GRIP1: variants seen among roughly 807,000 people sequenced by gnomAD.
GRIP1 encodes the protein glutamate receptor-interacting protein 1.
A neutral mutation model predicts 129.9 loss-of-function variants in GRIP1; 45 were observed. The ratio of observed to expected loss-of-function variants is 0.35; its 90% CI spans 0.27 to 0.44. GRIP1 has a LOEUF of 0.44. Ranked by LOEUF, GRIP1 falls within the 20% of genes least tolerant of loss-of-function variation. The pLI, the probability that GRIP1 is intolerant of heterozygous loss-of-function variation, is 1.00. For missense variants in GRIP1, 1,196 were observed against 1,396.8 expected, an observed-to-expected ratio of 0.86 and a Z score of 2.29; for synonymous variants, 530 against 520.8, an observed-to-expected ratio of 1.02 and a Z score of -0.24.
intron 23 of GRIP1, among the ~76,000 whole-genome samples, chr12:66,364,424 T>C (rs576778506): frequency 6.6e-6 from 1 of 152,164 alleles, no homozygotes; most frequent in East Asian, 1.9e-4. Flanking sequence ...CAAACCTCCT[T>C]CCCATTTCGT....
intron 2 of GRIP1, among the ~76,000 whole-genome samples, chr12:66,571,993 G>A (rs958005518): frequency 2.0e-5 from 3 of 152,070 alleles, no homozygotes; most frequent in Non-Finnish European, 2.9e-5. Flanking sequence ...AAATCAATAC[G>A]TAAGGATACA....
At chr12:67,001,530 C>T (rs1232388804) in intron 1 of GRIP1, among the ~76,000 whole-genome samples, 2 of 152,148 alleles carry the variant, frequency 1.3e-5, no homozygotes, top group African/African-American at 4.8e-5. Context: ...CCTCTGTAGT[C>T]TTTTTAAATG....
chr12:66,538,972 G>GAAA, intron 4 of GRIP1, 106 bp downstream of exon 4: 1 of 937,412 alleles, frequency 1.1e-6, no homozygotes, highest in African/African-American at 1.6e-5. Context: ...TGTATGTATA[G>GAAA]AAAAAAACCT....
At chr12:66,593,817 C>G (rs145271749) in intron 2 of GRIP1, among the ~76,000 whole-genome samples, 7 of 152,114 alleles carry the variant, frequency 4.6e-5, no homozygotes, top group Non-Finnish European at 8.8e-5. Flanking sequence ...ACCTGTAATC[C>G]CTGCACTTTG....
At chr12:67,064,369 A>G (rs1266235419) in intron 1 of GRIP1, among the ~76,000 whole-genome samples, 2 of 152,214 alleles carry the variant, frequency 1.3e-5, no homozygotes, top group Non-Finnish European at 2.9e-5. Flanking sequence ...CTTTTTAAAT[A>G]TCTCTTTAGA....
At position 66,386,587 on chromosome 12, in the gene GRIP1, T is replaced by G. The variant is rs561598561; in HGVS notation, c.2464+5721A>C. 3.6e-4 allele frequency among the ~76,000 whole-genome samples: 54 copies of G among 152,112 alleles called. 1 individual carries two copies. Among genetic ancestry groups the G allele is most frequent in the Admixed American group, 2.9e-3 (44 of 15,268 alleles). On this transcript the variant is annotated intron_variant, in intron 19 of 24. Coordinates refer to ENST00000359742, the MANE Select transcript of GRIP1 (RefSeq NM_001366722.1). ...AGGCGGAGCTTACAGTGAGCTGAGA[T>G]CGCACCACTGCACTCCAGCCTGGGT...
chr12:67,030,211 A>AAAC (rs2043002774), intron 1 of GRIP1, among the ~76,000 whole-genome samples: 4 of 145,544 alleles, frequency 2.7e-5, no homozygotes. Flanking sequence ...ACTCTGTCTC[A>AAAC]AATAATAATA....
In GRIP1 at chr12:66,564,676, G is replaced by C. The variant is rs2062678705; in HGVS notation, c.137-22726C>G. ...ATGGCTGGGTCAAATGGTATTTCTA[G>C]TTCTAGATCCCTGAGGAATCGCCAC... On this transcript the variant is annotated intron_variant, in intron 2 of 24. Transcript: ENST00000359742. Among the ~76,000 whole-genome samples the C allele has an allele frequency of 3.9e-5, 6 of 152,212 alleles. No homozygotes were observed. In the South Asian group the frequency reaches 1.2e-3, roughly 32 times the overall value.
intron 1 of GRIP1, among the ~76,000 whole-genome samples, chr12:66,650,259 CA>C (rs1253112694): frequency 6.6e-6 from 1 of 152,100 alleles, no homozygotes; most frequent in Non-Finnish European, 1.5e-5. Context: ...CTTATGGGCC[CA>C]AGTCCATCTA....
At chr12:66,908,217 GA>G (rs1259994901) in intron 1 of GRIP1, among the ~76,000 whole-genome samples, 1 of 152,126 alleles carries the variant, frequency 6.6e-6, no homozygotes, top group Non-Finnish European at 1.5e-5. Context: ...AAACCAACAA[GA>G]TGAGATGAAT....
At chr12:66,834,350 C>T (rs1023417823) in intron 1 of GRIP1, among the ~76,000 whole-genome samples, 2 of 152,024 alleles carry the variant, frequency 1.3e-5, no homozygotes, top group African/African-American at 4.8e-5. Context: ...TATTGTACTG[C>T]GTCTGTGACA....
chr12:66,846,929 A>C (rs1289424072), intron 1 of GRIP1, among the ~76,000 whole-genome samples: 1 of 152,096 alleles, frequency 6.6e-6, no homozygotes, highest in Non-Finnish European at 1.5e-5. Flanking sequence ...AGTTTGAATG[A>C]CATCAGTGGA....
chr12:66,742,782 T>TGAGGTAATAAAAATA (rs2036828018), intron 1 of GRIP1, among the ~76,000 whole-genome samples: 1 of 152,046 alleles, frequency 6.6e-6, no homozygotes, highest in Admixed American at 6.6e-5. Flanking sequence ...TGAGACATGA[T>TGAGGTAATAAAAATA]GAGGTAATAA....
chr12:66,534,228 C>T (rs1013538389), intron 4 of GRIP1, among the ~76,000 whole-genome samples: 3 of 152,164 alleles, frequency 2.0e-5, no homozygotes, highest in Non-Finnish European at 2.9e-5. Flanking sequence ...ATATTTTGCC[C>T]CTTTTCCATC....
intron 2 of GRIP1, among the ~76,000 whole-genome samples, chr12:66,561,491 AAAAGAAATACTGACTT>A (rs1472583150): frequency 6.6e-6 from 1 of 152,094 alleles, no homozygotes; most frequent in Non-Finnish European, 1.5e-5. Context: ...AAACTAAAAA[AAAAGAAATACTGACTT>A]AAAGAAATAG....
intron 1 of GRIP1, among the ~76,000 whole-genome samples, chr12:66,988,077 CAATA>C (rs1014863656): frequency 1.3e-5 from 2 of 152,086 alleles, no homozygotes; most frequent in Non-Finnish European, 2.9e-5. Flanking sequence ...ACAAAAGAAA[CAATA>C]AATAAACTTA....
chr12:66,975,935 G>A (rs1018485323), intron 1 of GRIP1, among the ~76,000 whole-genome samples: 2 of 152,112 alleles, frequency 1.3e-5, no homozygotes, highest in African/African-American at 2.4e-5. Flanking sequence ...ATTTTGTGAT[G>A]TTTATGGTAT....
intron 1 of GRIP1, among the ~76,000 whole-genome samples, chr12:66,983,486 C>A (rs1460186871): frequency 6.6e-6 from 1 of 151,990 alleles, no homozygotes; most frequent in Admixed American, 6.6e-5. Context: ...TAACTCTTAG[C>A]AATATTTTTT....
intron 23 of GRIP1, among the ~76,000 whole-genome samples, chr12:66,369,997 T>A (rs1187787240): frequency 6.6e-6 from 1 of 152,192 alleles, no homozygotes; most frequent in Admixed American, 6.5e-5. Context: ...TCTTAGTCTG[T>A]AATTCCTCCT....
Sources: gnomAD v4.1 joint callset for allele counts (sites outside exome capture counted in the v4.1 genomes callset) on GRCh38, gnomAD v4.1.1 for gene constraint, MANE v1.5 for transcripts, NCBI Gene and HGNC (gene_info 2026-07-23, HGNC 2026-07-21) for gene names.